CYP4F22: variants seen among roughly 807,000 people sequenced by gnomAD.
CYP4F22 encodes cytochrome P450 family 4 subfamily F member 22.
A neutral mutation model predicts 60.4 loss-of-function variants in CYP4F22; 37 were observed. The ratio of observed to expected loss-of-function variants is 0.61; its 90% CI spans 0.47 to 0.81. The LOEUF (loss-of-function observed/expected upper bound fraction) is 0.81, where lower values mean the gene tolerates loss of function less well. Among genes scored for constraint, CYP4F22 ranks in the 30% least tolerant of loss-of-function variants. CYP4F22 has a pLI of 0.00. For synonymous variants in CYP4F22, 258 were observed against 280.5 expected (o/e 0.92, Z 0.80); for missense variants, 655 against 715.0 (o/e 0.92, Z 0.96).
At chr19:15,521,890 A>G (rs1470663053) in intron 1 of CYP4F22, among the ~76,000 whole-genome samples, 2 of 152,088 alleles carry the variant, frequency 1.3e-5, no homozygotes, top group African/African-American at 4.8e-5. Flanking sequence ...CACGCCTGTA[A>G]TCCTAGCACT....
rs202103225 is a variant in CYP4F22 at position 15,542,715 on chromosome 19, CT to C, written c.940-1255del. On this transcript the variant is annotated intron_variant, in intron 8 of 13. Transcript: ENST00000269703. ...TGATATTCTCCCTCCTCCTGCCACC[CT>C]GATAGGCCCCCCAAGTGTGTGTTGT... 6.0e-3 allele frequency among the ~76,000 whole-genome samples: 822 copies of C among 137,060 alleles called. 7 individuals are homozygous for C. Among genetic ancestry groups the C allele is most frequent in the African/African-American group, 0.021 (770 of 36,804 alleles). The allele number at this position is 137,060 out of a possible 152,430, so 89.9% of individuals were successfully genotyped here. A position where few individuals can be genotyped will look rare whatever the true frequency, so the allele number is the denominator to read the frequency against.
chr19:15,546,421 T>TA (rs979637114), intron 10 of CYP4F22, among the ~76,000 whole-genome samples: 20 of 152,126 alleles, frequency 1.3e-4, no homozygotes, highest in African/African-American at 4.6e-4. Flanking sequence ...CTGTCTCTAC[T>TA]AAAAATACAA....
chr19:15,551,466 G>A lies in CYP4F22; in HGVS notation c.1591G>A (p.Ala531Thr). ...CAAGGTGGAGCCGCTGCCTCCGCGG[G>A]CCTGAGCGTGGGCGCGCCCCTGCGG... The part of the protein sequence containing the change: ...WLKVEPLPPR[A>T] Residue 531 changes from alanine to threonine, a missense_variant, in exon 14 of 14, where the codon GCC becomes ACC. By Grantham distance (58) the Ala-to-Thr change is moderately conservative (BLOSUM62 0). Coordinates refer to ENST00000269703, the MANE Select transcript of CYP4F22 (RefSeq NM_173483.4). The A allele has an allele frequency of 6.4e-7, 1 of 1,558,194 alleles. No homozygotes were observed.
chr19:15,547,310 C>T (rs1335162047), intron 10 of CYP4F22, among the ~76,000 whole-genome samples: 16 of 152,062 alleles, frequency 1.1e-4, no homozygotes, highest in Admixed American at 9.2e-4. Flanking sequence ...AGGCGAGAGC[C>T]ACCACACCTG....
intron 1 of CYP4F22, among the ~76,000 whole-genome samples, chr19:15,521,310 C>A (rs911042827): frequency 4.0e-5 from 6 of 149,114 alleles, no homozygotes; most frequent in African/African-American, 1.5e-4. Context: ...CAGCTCACTG[C>A]AACCTCCGCC....
intron 13 of CYP4F22, 69 bp from the exon 14 acceptor site, chr19:15,551,225 G>A: frequency 1.3e-6 from 2 of 1,557,438 alleles, no homozygotes; most frequent in Admixed American, 1.9e-5. Flanking sequence ...TTTCAAAGGA[G>A]GCATGTGACC....
rs372563949 is a variant in CYP4F22 at position 15,550,764 on chromosome 19, C to T, written c.1418+8C>T. 1.7e-5 allele frequency: 27 copies of T among 1,613,992 alleles called. No individual in the cohort carries two copies. Among genetic ancestry groups the T allele is most frequent in the Middle Eastern group, 1.6e-4 (1 of 6,084 alleles). ...CTTCTCTGCAGGACCCAGGTAACCC[C>T]TCTATTTCCCCTAGTCCAAGCCAGC... On this transcript the variant is annotated splice_region_variant and intron_variant, in intron 13 of 13. Coordinates refer to ENST00000269703, the MANE Select transcript of CYP4F22 (RefSeq NM_173483.4).
chr19:15,548,312 G>C, intron 11 of CYP4F22, 71 bp downstream of exon 11: 1 of 1,599,618 alleles, frequency 6.3e-7, no homozygotes. Flanking sequence ...GTCCACAGGG[G>C]CCTGGCTATG....
intron 4 of CYP4F22, among the ~76,000 whole-genome samples, chr19:15,534,826 C>G (rs1971378930): frequency 6.6e-6 from 1 of 152,048 alleles, no homozygotes; most frequent in South Asian, 2.1e-4. Flanking sequence ...GAGAAGGAGT[C>G]CCAGATGGAA....
intron 1 of CYP4F22, among the ~76,000 whole-genome samples, chr19:15,520,026 T>A (rs2144505017): frequency 1.3e-5 from 2 of 152,282 alleles, no homozygotes; most frequent in South Asian, 4.1e-4. Flanking sequence ...TGTGTGCGCG[T>A]GCACAAGTAC....
chr19:15,548,405 G>C lies in CYP4F22; in HGVS notation c.1270+164G>C, dbSNP rs144759022. Among the ~76,000 whole-genome samples the C allele has an allele frequency of 1.6e-3, 247 of 152,272 alleles. 7 individuals carry two copies. In the East Asian group the frequency reaches 0.044, roughly 27 times the overall value. On this transcript the variant is annotated intron_variant, in intron 11 of 13. Coordinates refer to ENST00000269703, the MANE Select transcript of CYP4F22 (RefSeq NM_173483.4). The stretch of plus-strand genomic sequence containing the variant: ...CTGGGGTGTTGGAGAAAACCCAGTT[G>C]TGTGTGCAGGGAGATAGAGCCGGGT...
At chr19:15,529,128 A>ATT (rs1043267478) in intron 3 of CYP4F22, among the ~76,000 whole-genome samples, 12 of 33,128 alleles carry the variant, frequency 3.6e-4, no homozygotes, top group African/African-American at 2.5e-3. Context: ...TTCTTATTTT[A>ATT]TTTTATTTTT....
At chr19:15,520,492 C>A (rs1638582921) in intron 1 of CYP4F22, among the ~76,000 whole-genome samples, 1 of 151,002 alleles carries the variant, frequency 6.6e-6, no homozygotes, top group Non-Finnish European at 1.5e-5. Flanking sequence ...GAGAAAAACT[C>A]CAGCGTAAAC....
At chr19:15,545,672 G>GAAAAA (rs1971517277) in intron 10 of CYP4F22, among the ~76,000 whole-genome samples, 1 of 62,964 alleles carries the variant, frequency 1.6e-5, no homozygotes, top group Non-Finnish European at 2.8e-5. Flanking sequence ...AAAAAAAAAA[G>GAAAAA]AAAAGAAAAG....
At chr19:15,513,652 C>A (rs2144495848) in intron 1 of CYP4F22, among the ~76,000 whole-genome samples, 1 of 152,210 alleles carries the variant, frequency 6.6e-6, no homozygotes, top group African/African-American at 2.4e-5. Flanking sequence ...GCGTGAGCCA[C>A]CACGCCCAGC....
At chr19:15,520,535 T>TA (rs1971211816) in intron 1 of CYP4F22, among the ~76,000 whole-genome samples, 1 of 151,356 alleles carries the variant, frequency 6.6e-6, no homozygotes, top group Admixed American at 6.6e-5. Flanking sequence ...CTCACAGGGG[T>TA]ACCAGGCTTT....
At chr19:15,510,967 T>TATA (rs374989279) in intron 1 of CYP4F22, among the ~76,000 whole-genome samples, 119 of 52,704 alleles carry the variant, frequency 2.3e-3, no homozygotes, top group East Asian at 0.011. Flanking sequence ...TATATATATA[T>TATA]TTTTTTTTTT....
In CYP4F22 at chr19:15,549,177, A is replaced by G. The variant is rs1257925978; in HGVS notation, c.1310A>G (p.Asn437Ser). The change falls in exon 12 of 14, where the codon AAC (asparagine) becomes AGC (serine). Residue 437 changes from asparagine (N) to serine (S), a missense_variant. Physicochemically the swap from Asn to Ser is conservative, Grantham distance 46. Coordinates refer to ENST00000269703, the MANE Select transcript of CYP4F22 (RefSeq NM_173483.4). Reference protein sequence around the residue: ...CLVSIYGTHHNPTVWPDSKVY... With the variant: ...CLVSIYGTHHSPTVWPDSKVY... Reference sequence around the variant, plus strand: ...GTCAGCATCTATGGAACCCACCACAACCCCACAGTGTGGCCTGACTCCAAG... The same window carrying G: ...GTCAGCATCTATGGAACCCACCACAGCCCCACAGTGTGGCCTGACTCCAAG... 2 of 1,613,570 alleles carry G rather than the reference A, an allele frequency of 1.2e-6. No individual in the cohort carries two copies. Among genetic ancestry groups the G allele is most frequent in the Admixed American group, 1.7e-5 (1 of 59,926 alleles).
chr19:15,524,544 G>C (rs936248118), intron 2 of CYP4F22, among the ~76,000 whole-genome samples: 3 of 152,000 alleles, frequency 2.0e-5, no homozygotes, highest in African/African-American at 7.2e-5. Context: ...CCAGCTACTT[G>C]GGAAACTGAG....
Sources: gnomAD v4.1 joint callset for allele counts (sites outside exome capture counted in the v4.1 genomes callset) on GRCh38, gnomAD v4.1.1 for gene constraint, MANE v1.5 for transcripts, NCBI Gene and HGNC (gene_info 2026-07-23, HGNC 2026-07-21) for gene names.